The following LRBA variants were observed in gnomAD, a reference collection of about 807,000 sequenced individuals.
The protein encoded by LRBA is lipopolysaccharide-responsive and beige-like anchor protein.
A neutral mutation model predicts 330.0 loss-of-function variants in LRBA; 176 were observed. The ratio of observed to expected loss-of-function variants is 0.53; its 90% CI spans 0.47 to 0.60. The LOEUF is 0.60. LRBA is among the 20% of genes least tolerant of loss of function. LRBA has a pLI of 0.00. For synonymous variants in LRBA, 1,230 were observed against 1,193.0 expected, an observed-to-expected ratio of 1.03 and a Z score of -0.64; for missense variants, 3,259 against 3,444.8, an observed-to-expected ratio of 0.95 and a Z score of 1.35.
At chr4:150,912,606 G>C (rs1732135561) in intron 9 of LRBA, among the ~76,000 whole-genome samples, 1 of 152,096 alleles carries the variant, frequency 6.6e-6, no homozygotes, top group Non-Finnish European at 1.5e-5. Context: ...AACCATCCCT[G>C]CTGCGCCCCC....
At chr4:150,368,015 A>G (rs1400505397) in intron 47 of LRBA, among the ~76,000 whole-genome samples, 1 of 152,202 alleles carries the variant, frequency 6.6e-6, no homozygotes, top group African/African-American at 2.4e-5. Flanking sequence ...TGTATTTTTA[A>G]AAGGCCACCA....
chr4:150,583,757 T>C lies in LRBA; in HGVS notation c.6330+4291A>G, dbSNP rs947581458. ...GGGGAGGCGGAGAACCGCCTGCTGA[T>C]GGGCGGCTGCCGAAACAAGTGCCTC... On this transcript the variant is annotated intron_variant, in intron 40 of 56. Coordinates refer to ENST00000651943, the MANE Select transcript of LRBA (RefSeq NM_001364905.1). This position sits in a 1 kb window ranked among gnomAD's most constrained non-coding sequence, Gnocchi z 9.8. 6.2e-7 allele frequency: 1 copy of C among 1,613,902 alleles called. No individual in the cohort carries two copies.
chr4:150,302,849 G>C, intron 52 of LRBA, 57 bp from the exon 53 acceptor site: 2 of 1,308,460 alleles, frequency 1.5e-6, no homozygotes, highest in Non-Finnish European at 2.1e-6. Flanking sequence ...AAATTCTAGT[G>C]AACAGATAAC....
chr4:151,014,612 G>C lies in LRBA; in HGVS notation c.31C>G (p.Pro11Ala), dbSNP rs1745228616. 6.2e-7 allele frequency: 1 copy of C among 1,607,966 alleles called. No individual in the cohort carries two copies. Among genetic ancestry groups the C allele is most frequent in the Non-Finnish European group, 8.5e-7 (1 of 1,176,820 alleles). The change falls in exon 2 of 57, where the codon CCG (proline) becomes GCG (alanine). Residue 11 changes from proline (P) to alanine (A), a missense_variant. Pro to Ala is a conservative substitution (Grantham distance 27, BLOSUM62 -1). Transcript: ENST00000651943. ...CCCCCGTCATCACCTGTTGGTGGCGGGGAAGGGACACGATTGTCTTCGCTA... is the reference window on the plus strand; with the variant it reads ...CCCCCGTCATCACCTGTTGGTGGCGCGGAAGGGACACGATTGTCTTCGCTA... MASEDNRVPS[P>A]PPTGDDGGGG... is the part of the protein sequence containing the mutation.
At chr4:150,465,280 T>C (rs1421251413) in intron 44 of LRBA, among the ~76,000 whole-genome samples, 1 of 152,130 alleles carries the variant, frequency 6.6e-6, no homozygotes, top group Non-Finnish European at 1.5e-5. Context: ...GTATATACCA[T>C]ATTTTGTTTA....
chr4:150,754,365 A>G (rs970208543), intron 35 of LRBA, among the ~76,000 whole-genome samples: 1 of 151,884 alleles, frequency 6.6e-6, no homozygotes, highest in Non-Finnish European at 1.5e-5. Flanking sequence ...AAATAATCTA[A>G]TCTTTAAGAG....
At chr4:150,860,377 A>G (rs1348817747) in intron 22 of LRBA, among the ~76,000 whole-genome samples, 1 of 152,198 alleles carries the variant, frequency 6.6e-6, no homozygotes, top group Non-Finnish European at 1.5e-5. Flanking sequence ...AAAAGACTCC[A>G]TGATTAACTT....
rs760655608 is a variant in LRBA at position 150,852,782 on chromosome 4, C to T, written c.2928G>A (p.Thr976=). ...NVSVGSQQPD[T]KDSPVCPHFT... ...AATGAGGACAGACAGGAGAATCCTTCGTATCTGGTTGCTGGGATCCTACTG... is the reference window on the plus strand; with the variant it reads ...AATGAGGACAGACAGGAGAATCCTTTGTATCTGGTTGCTGGGATCCTACTG... The change falls in exon 23 of 57, where the codon ACG becomes ACA. Residue 976 remains threonine (T), a synonymous_variant. Transcript: ENST00000651943. 8 of 1,613,856 alleles carry T rather than the reference C, an allele frequency of 5.0e-6. No homozygotes were observed. The highest frequency in any genetic ancestry group is 2.7e-5 in the African/African-American group (2 of 74,918).
Position 150,467,927 on chromosome 4 carries a change from A to G in LRBA, c.6668-142T>C, listed in dbSNP as rs1755637516. On this transcript the variant is annotated intron_variant, in intron 43 of 56. Coordinates refer to ENST00000651943, the MANE Select transcript of LRBA (RefSeq NM_001364905.1). ...CAGTATCCATACTTTCTCTCATTTA[A>G]TCCTCACAACAATCCTATGAAATTG... The G allele has an allele frequency of 1.6e-5, 8 of 486,424 alleles. No individual in the cohort carries two copies. In the East Asian group the frequency reaches 2.7e-4, roughly 16 times the overall value. The allele number at this position is 486,424 out of a possible 1,614,324, so 30.1% of individuals were successfully genotyped here.
intron 35 of LRBA, among the ~76,000 whole-genome samples, chr4:150,760,403 A>G (rs902755261): frequency 6.6e-6 from 1 of 152,072 alleles, no homozygotes. Context: ...CTTCATTTCA[A>G]TCAGGTCTTC....
At chr4:150,730,046 C>G (rs1229331935) in intron 36 of LRBA, among the ~76,000 whole-genome samples, 1 of 151,802 alleles carries the variant, frequency 6.6e-6, no homozygotes, top group East Asian at 1.9e-4. Flanking sequence ...GAAACTACTA[C>G]AAAAAAAACT....
chr4:150,737,122 G>A (rs1395964373), intron 35 of LRBA, among the ~76,000 whole-genome samples: 2 of 152,074 alleles, frequency 1.3e-5, no homozygotes, highest in East Asian at 1.9e-4. Flanking sequence ...GGAGCCTGAG[G>A]CAGAAGCATC....
chr4:150,955,505 C>A (rs1477830216), intron 2 of LRBA, among the ~76,000 whole-genome samples: 1 of 148,952 alleles, frequency 6.7e-6, no homozygotes, highest in Non-Finnish European at 1.5e-5. Flanking sequence ...TGTGGTCTAG[C>A]TACTCAGGAG....
intron 17 of LRBA, among the ~76,000 whole-genome samples, chr4:150,882,244 A>T (rs1183438065): frequency 1.3e-5 from 2 of 152,250 alleles, no homozygotes; most frequent in African/African-American, 2.4e-5. Context: ...AAAATTTTTA[A>T]ATTTTGAACA....
intron 36 of LRBA, among the ~76,000 whole-genome samples, chr4:150,707,384 T>C (rs1785731932): frequency 1.3e-5 from 2 of 151,780 alleles, no homozygotes; most frequent in South Asian, 4.1e-4. Flanking sequence ...GAAAGACCTA[T>C]ACTTTTAAAA....
intron 33 of LRBA, among the ~76,000 whole-genome samples, chr4:150,803,874 T>A (rs926809002): frequency 2.0e-5 from 3 of 152,144 alleles, no homozygotes; most frequent in African/African-American, 7.2e-5. Flanking sequence ...TTAAATTTTG[T>A]TCAGGGATAT....
intron 53 of LRBA, among the ~76,000 whole-genome samples, chr4:150,300,672 T>C (rs1394994138): frequency 6.6e-6 from 1 of 152,060 alleles, no homozygotes; most frequent in African/African-American, 2.4e-5. Context: ...TTAAAGGCCA[T>C]GCATGTAAAA....
rs368596093 is a variant in LRBA at position 150,944,990 on chromosome 4, A to G, written c.217-15925T>C. On this transcript the variant is annotated intron_variant, in intron 2 of 56. Coordinates refer to ENST00000651943, the MANE Select transcript of LRBA (RefSeq NM_001364905.1). Reference sequence around the variant, plus strand: ...TGCCTTTGTTCCTCCTTCGCCTTCCACTACGACTGTGGGGCCTCCCCAGCA... The same window carrying G: ...TGCCTTTGTTCCTCCTTCGCCTTCCGCTACGACTGTGGGGCCTCCCCAGCA... Among the ~76,000 whole-genome samples the G allele has an allele frequency of 3.9e-5, 6 of 152,272 alleles. No homozygotes were observed. The East Asian group carries it at 1.2e-3, about 29-fold the overall frequency.
chr4:150,580,003 A>G (rs1190922194), intron 40 of LRBA: 2 of 300,564 alleles, frequency 6.7e-6, no homozygotes, highest in Non-Finnish European at 1.3e-5. Context: ...CCGGCAGCGC[A>G]GTGCCCTCCG....
Sources: allele counts gnomAD v4.1 joint callset (sites outside exome capture counted in the v4.1 genomes callset), GRCh38; gene constraint gnomAD v4.1.1; non-coding constraint Gnocchi (gnomAD v3.1); transcripts MANE v1.5; gene names NCBI Gene and HGNC (gene_info 2026-07-23, HGNC 2026-07-21).